The following PKHD1 variants were observed in gnomAD, a reference collection of about 807,000 sequenced individuals.
PKHD1 encodes the protein PKHD1 ciliary IPT domain containing fibrocystin/polyductin.
PKHD1 carries 291 observed loss-of-function variants against 412.0 expected under a neutral mutation model. The ratio of observed to expected loss-of-function variants is 0.71; its 90% CI spans 0.64 to 0.78. The LOEUF is 0.78. Ranked by LOEUF, PKHD1 falls within the 30% of genes least tolerant of loss-of-function variation. The probability of loss-of-function intolerance (pLI) is 0.00; values close to 1 mark genes in which losing one functional copy is unlikely to be tolerated. For synonymous variants in PKHD1, 1,777 were observed against 1,821.5 expected (o/e 0.98, Z 0.62); for missense variants, 4,825 against 4,950.7 (o/e 0.97, Z 0.76).
intron 46 of PKHD1, among the ~76,000 whole-genome samples, chr6:51,872,461 T>G (rs1776129545): frequency 6.6e-6 from 1 of 152,102 alleles, no homozygotes; most frequent in Non-Finnish European, 1.5e-5. Flanking sequence ...CAGTCTGCAG[T>G]GCAGTGGCAT....
At position 51,807,456 on chromosome 6, in the gene PKHD1, A is replaced by AT. The variant is rs1277374751; in HGVS notation, c.8303-16084_8303-16083insA. Among the ~76,000 whole-genome samples, 155 of 47,194 alleles carry AT rather than the reference A, an allele frequency of 3.3e-3. 3 individuals carry two copies. The highest frequency in any genetic ancestry group is 0.01 in the Admixed American group (32 of 3,174). 31.0% of individuals were successfully genotyped at this position (47,194 alleles called of 152,430 possible). A position where few individuals can be genotyped will look rare whatever the true frequency, so the allele number is the denominator to read the frequency against. On this transcript the variant is annotated intron_variant, in intron 52 of 66. Transcript: ENST00000371117. ...CTGTCTCAAAAAAAAAAAAAAAAAAAAAATATATATATATATATATATATG... is the reference window on the plus strand; with the variant it reads ...CTGTCTCAAAAAAAAAAAAAAAAAAATAAATATATATATATATATATATATG...
intron 24 of PKHD1, 62 bp downstream of exon 24, chr6:52,045,942 T>A (rs1007016409): frequency 8.8e-7 from 1 of 1,131,796 alleles, no homozygotes; most frequent in Non-Finnish European, 1.3e-6. Context: ...TTCTGATTTT[T>A]TTTTTTGCAG....
chr6:51,848,151 T>C (rs1010768351), intron 49 of PKHD1, among the ~76,000 whole-genome samples, 181 bp from the exon 50 acceptor site: 2 of 152,168 alleles, frequency 1.3e-5, no homozygotes, highest in African/African-American at 4.8e-5. Flanking sequence ...TTAAATCTAC[T>C]TCATAAAAAA....
chr6:52,013,939 G>T (rs1029996579), intron 34 of PKHD1, among the ~76,000 whole-genome samples: 15 of 152,266 alleles, frequency 9.9e-5, no homozygotes, highest in African/African-American at 3.4e-4. Flanking sequence ...GCTCAGCCAG[G>T]GCTCTCACAC....
Position 51,887,113 on chromosome 6 carries a change from A to G in PKHD1, c.7109+20T>C. 6.9e-7 allele frequency: 1 copy of G among 1,441,700 alleles called. No individual in the cohort carries two copies. Among genetic ancestry groups the G allele is most frequent in the Non-Finnish European group, 9.8e-7 (1 of 1,022,526 alleles). The allele number at this position is 1,441,700 out of a possible 1,614,324, so 89.3% of individuals were successfully genotyped here. A position where few individuals can be genotyped will look rare whatever the true frequency, so the allele number is the denominator to read the frequency against. On this transcript the variant is annotated intron_variant, in intron 44 of 66. Coordinates refer to ENST00000371117, the MANE Select transcript of PKHD1 (RefSeq NM_138694.4). ...AAATCATAAGACAGCCAAAACATAG[A>G]TGAATTTCCCCAAAGTTACCTGGTA...
At chr6:51,821,829 G>T (rs893455479) in intron 52 of PKHD1, among the ~76,000 whole-genome samples, 2 of 152,142 alleles carry the variant, frequency 1.3e-5, no homozygotes, top group Non-Finnish European at 2.9e-5. Context: ...TGGGATTACA[G>T]GCGCACACCA....
In PKHD1 at chr6:51,748,529, A is replaced by G. The variant is rs767117867; in HGVS notation, c.9087T>C (p.His3029=). Residue 3029 remains histidine, a synonymous_variant, in exon 58 of 67, where the codon CAT becomes CAC. Transcript: ENST00000371117. ...TLHQSCGGGI[H]AAASHGVLLN... is the part of the protein sequence containing the mutation. ...AAAGTACTCCATGACTGGCAGCTGC[A>G]TGAATGCCCCCGCCACAGCTCTGGT... 1.9e-6 allele frequency: 3 copies of G among 1,613,794 alleles called. No homozygotes were observed. In the African/African-American group the frequency reaches 4.0e-5, roughly 22 times the overall value.
At chr6:52,073,398 C>A in intron 7 of PKHD1, 65 bp downstream of exon 7, 2 of 977,720 alleles carry the variant, frequency 2.0e-6, no homozygotes, top group South Asian at 2.6e-5. Context: ...ATCAGGGAAG[C>A]TGGTCCCAGG....
Position 52,062,538 on chromosome 6 carries a change from G to A in PKHD1, c.1099C>T (p.Gln367Ter), listed in dbSNP as rs79583900. 1 of 1,614,078 alleles carries A rather than the reference G, an allele frequency of 6.2e-7. No homozygotes were observed. The highest frequency in any genetic ancestry group is 8.5e-7 in the Non-Finnish European group (1 of 1,179,958). The part of the protein sequence containing the change: ...NASSPFGFWS[Q>*]EGQPFRARLS... ...ACATACCTGAAAGGTTGTCCTTCCT[G>A]TGACCAAAACCCAAATGGAGAACTG... Residue 367 changes from glutamine (Q) to a stop codon, truncating the protein, a stop_gained, in exon 14 of 67, where the codon CAG becomes TAG. Coordinates refer to ENST00000371117, the MANE Select transcript of PKHD1 (RefSeq NM_138694.4). LOFTEE classifies it high-confidence loss of function.
chr6:52,024,575 G>A lies in PKHD1; in HGVS notation c.5235C>T (p.Phe1745=), dbSNP rs187667255. 7.7e-5 allele frequency: 124 copies of A among 1,613,660 alleles called. No homozygotes were observed. The Middle Eastern group carries it at 1.2e-3, about 15-fold the overall frequency. Residue 1745 remains phenylalanine, a splice_region_variant and synonymous_variant, in exon 32 of 67, where the codon TTC becomes TTT. Coordinates refer to ENST00000371117, the MANE Select transcript of PKHD1 (RefSeq NM_138694.4). Reference sequence around the variant, plus strand: ...TGCTGTCTTATTTGCTTGACTTACCGAAGTTCTCCGTCACTGCTGTAATAA... The same window carrying A: ...TGCTGTCTTATTTGCTTGACTTACCAAAGTTCTCCGTCACTGCTGTAATAA... The part of the protein sequence containing the change: ...RVIITAVTEN[F]GCLGGRLVHV...
At chr6:51,903,218 A>C (rs1039481634) in intron 43 of PKHD1, among the ~76,000 whole-genome samples, 1 of 152,212 alleles carries the variant, frequency 6.6e-6, no homozygotes, top group Non-Finnish European at 1.5e-5. Context: ...GCAAAATTAT[A>C]AATTATTTTC....
chr6:52,027,395 G>C (rs1393050194), intron 31 of PKHD1, among the ~76,000 whole-genome samples: 5 of 152,022 alleles, frequency 3.3e-5, no homozygotes, highest in Non-Finnish European at 7.4e-5. Context: ...AGCCAGGCAT[G>C]ATGGAGGGCA....
intron 60 of PKHD1, among the ~76,000 whole-genome samples, chr6:51,705,178 C>G (rs902236700): frequency 6.6e-6 from 1 of 152,032 alleles, no homozygotes; most frequent in Admixed American, 6.6e-5. Context: ...TCAGTTACTA[C>G]AGTACCGAGA....
At chr6:52,021,039 C>T (rs1361825416) in intron 33 of PKHD1, among the ~76,000 whole-genome samples, 1 of 152,172 alleles carries the variant, frequency 6.6e-6, no homozygotes, top group Non-Finnish European at 1.5e-5. Context: ...TCACAATTTC[C>T]TCTCAATCTT....
At chr6:51,821,188 T>A (rs928020512) in intron 52 of PKHD1, among the ~76,000 whole-genome samples, 2 of 152,190 alleles carry the variant, frequency 1.3e-5, no homozygotes. Context: ...AGGTAAAATA[T>A]GTTTATGCAT....
In PKHD1 at chr6:51,883,122, T is replaced by C; in HGVS notation, c.7321A>G (p.Ser2441Gly). The C allele has an allele frequency of 6.2e-7, 1 of 1,613,230 alleles. No individual in the cohort carries two copies. The highest frequency in any genetic ancestry group is 2.2e-5 in the East Asian group (1 of 44,854). The change falls in exon 46 of 67, where the codon AGC becomes GGC. Residue 2441 changes from serine (S) to glycine (G), a missense_variant. Coordinates refer to ENST00000371117, the MANE Select transcript of PKHD1 (RefSeq NM_138694.4). The stretch of plus-strand genomic sequence containing the variant: ...TGGGCAAAATGACCAAGTAATAAGC[T>C]GTCAGTAACTGAAGTATTTGCATCA... ...ESDANTSVTD[S>G]LLLGHFAHKG...
chr6:52,035,848 C>G, intron 27 of PKHD1, 127 bp from the exon 28 acceptor site: 1 of 929,574 alleles, frequency 1.1e-6, no homozygotes, highest in Non-Finnish European at 1.7e-6. Flanking sequence ...AGGCAATGCT[C>G]AAACTGCAGG....
At chr6:51,658,755 C>A (rs935055677) in intron 61 of PKHD1, among the ~76,000 whole-genome samples, 197 bp downstream of exon 61, 1 of 152,000 alleles carries the variant, frequency 6.6e-6, no homozygotes, top group Non-Finnish European at 1.5e-5. Flanking sequence ...ATAGAATAAT[C>A]ATGAAAAACA....
intron 60 of PKHD1, among the ~76,000 whole-genome samples, chr6:51,665,182 TAACA>T (rs1242269584): frequency 1.3e-5 from 2 of 152,248 alleles, no homozygotes; most frequent in African/African-American, 4.8e-5. Flanking sequence ...CTGTAATAAA[TAACA>T]AATTAGTTAT....
Sources: gnomAD v4.1 joint callset for allele counts (sites outside exome capture counted in the v4.1 genomes callset) on GRCh38, gnomAD v4.1.1 for gene constraint, MANE v1.5 for transcripts, NCBI Gene and HGNC (gene_info 2026-07-23, HGNC 2026-07-21) for gene names.